DYNLT2: variants seen among roughly 807,000 people sequenced by gnomAD.
The protein encoded by DYNLT2 is dynein light chain Tctex-type protein 2.
Under a neutral mutation model 24.3 loss-of-function variants are expected in DYNLT2, and 24 were observed. That is an observed-to-expected ratio of 0.99 (90% CI 0.71 to 1.39). DYNLT2 has a LOEUF of 1.39. Among genes scored for constraint, DYNLT2 ranks in the 40% most tolerant of loss-of-function variants. DYNLT2 has a pLI of 0.00. For synonymous variants in DYNLT2, 85 were observed against 85.4 expected (o/e 1.00, Z 0.03); for missense variants, 246 against 234.5 (o/e 1.05, Z -0.32).
chr6:169,749,726 A>G (rs1789903738), intron 1 of DYNLT2: 1 of 152,198 alleles, frequency 6.6e-6, no homozygotes. Context: ...GTAGCTGACA[A>G]TCTCACCAAA....
At chr6:169,725,620 G>GTAGAGTT in the DYNLT2 span, 15 of 292,618 alleles carry the variant, frequency 5.1e-5, no homozygotes, top group Non-Finnish European at 7.4e-5. Flanking sequence ...ACTGATCAGG[G>GTAGAGTT]TAGAGTTTAG....
the DYNLT2 span, among the ~76,000 whole-genome samples, chr6:169,726,876 A>G: frequency 6.6e-6 from 1 of 152,218 alleles, no homozygotes; most frequent in Admixed American, 6.5e-5. Flanking sequence ...AAATACTGAT[A>G]AGGGGGAAAA....
intron 1 of DYNLT2, 139 bp downstream of exon 1, chr6:169,751,199 TG>T: frequency 7.5e-7 from 1 of 1,339,810 alleles, no homozygotes; most frequent in Non-Finnish European, 1.0e-6. Flanking sequence ...ATTTCGCATC[TG>T]GGGAAAAAAG....
the DYNLT2 span, among the ~76,000 whole-genome samples, chr6:169,733,929 T>G: frequency 6.6e-6 from 1 of 152,218 alleles, no homozygotes; most frequent in Non-Finnish European, 1.5e-5. Flanking sequence ...GATGGAATGT[T>G]TTCCCCTTTG....
chr6:169,742,718 C>A (rs1309142397), intron 3 of DYNLT2, among the ~76,000 whole-genome samples: 14 of 152,070 alleles, frequency 9.2e-5, no homozygotes, highest in Non-Finnish European at 1.5e-5. Flanking sequence ...CCTGCCTTAG[C>A]CTCCCGAGTA....
chr6:169,729,270 T>C, the DYNLT2 span, among the ~76,000 whole-genome samples: 2 of 152,218 alleles, frequency 1.3e-5, no homozygotes, highest in African/African-American at 4.8e-5. Flanking sequence ...TACTGAACTT[T>C]TTCTCTATGG....
At chr6:169,743,889 A>G (rs79398132) in intron 2 of DYNLT2, among the ~76,000 whole-genome samples, 179 bp downstream of exon 2, 8,364 of 152,298 alleles carry the variant, frequency 0.055, 335 homozygotes, top group East Asian at 0.12. Context: ...CACCTAGCAG[A>G]CAGACTACAC....
chr6:169,738,535 G>A (rs546808947), downstream of DYNLT2, among the ~76,000 whole-genome samples: 8 of 152,106 alleles, frequency 5.3e-5, no homozygotes, highest in South Asian at 6.2e-4. Flanking sequence ...GGGGAAGGGG[G>A]TTCCCCTTCC....
chr6:169,728,592 G>A, the DYNLT2 span, among the ~76,000 whole-genome samples: 2 of 152,142 alleles, frequency 1.3e-5, no homozygotes, highest in South Asian at 2.1e-4. Context: ...AAATTGTTCT[G>A]TGACACTTAA....
At chr6:169,735,225 C>T (rs1039665381), downstream of DYNLT2, among the ~76,000 whole-genome samples, 2 of 151,448 alleles carry the variant, frequency 1.3e-5, no homozygotes, top group East Asian at 3.9e-4. Flanking sequence ...AATTTTTTTT[C>T]AAAAAACCAG....
chr6:169,739,150 A>C (rs1346732923), downstream of DYNLT2, among the ~76,000 whole-genome samples: 1 of 151,404 alleles, frequency 6.6e-6, no homozygotes, highest in Non-Finnish European at 1.5e-5. Flanking sequence ...CCACAAGTGC[A>C]CACCCTGCCT....
At chr6:169,746,118 C>T (rs1220868728) in intron 1 of DYNLT2, among the ~76,000 whole-genome samples, 1 of 152,120 alleles carries the variant, frequency 6.6e-6, no homozygotes, top group Non-Finnish European at 1.5e-5. Context: ...TAGCAATATC[C>T]TGACTTGCAT....
Position 169,743,974 on chromosome 6 carries a change from C to T in DYNLT2, c.327+94G>A, listed in dbSNP as rs1789735484. The stretch of plus-strand genomic sequence containing the variant: ...CTGGTTCTAGTGACAATTGTATGAG[C>T]CAATTCCTGGAATAAATTTCTTCGT... On this transcript the variant is annotated intron_variant, in intron 2 of 3. Transcript: ENST00000366774. 10 of 1,227,646 alleles carry T rather than the reference C, an allele frequency of 8.1e-6. No individual in the cohort carries two copies. In the Admixed American group the frequency reaches 2.1e-4, roughly 26 times the overall value. 76.0% of individuals were successfully genotyped at this position (1,227,646 alleles called of 1,614,324 possible). A position where few individuals can be genotyped will look rare whatever the true frequency, so the allele number is the denominator to read the frequency against.
At chr6:169,748,208 C>T (rs962384265) in intron 1 of DYNLT2, among the ~76,000 whole-genome samples, 1 of 152,134 alleles carries the variant, frequency 6.6e-6, no homozygotes, top group African/African-American at 2.4e-5. Flanking sequence ...TTCTGGGAAA[C>T]CCTCTGTAGG....
intron 3 of DYNLT2, 61 bp downstream of exon 3, chr6:169,743,019 C>A: frequency 7.7e-7 from 1 of 1,306,986 alleles, no homozygotes; most frequent in Non-Finnish European, 1.0e-6. Context: ...AAAATCAAAT[C>A]ACTAGGGAGG....
Position 169,743,075 on chromosome 6 carries a change from CT to C in DYNLT2, c.486+4del. 6.5e-7 allele frequency: 1 copy of C among 1,537,690 alleles called. No individual in the cohort carries two copies. The stretch of plus-strand genomic sequence containing the variant: ...TGCTAGATCCTGTATCAATGGGGTA[CT>C]TACATTTATTGCTTGGCCAGTCTTT... On this transcript the variant is annotated splice_donor_region_variant and intron_variant, in intron 3 of 3. Coordinates refer to ENST00000366774, the MANE Select transcript of DYNLT2 (RefSeq NM_174910.3).
chr6:169,730,049 C>T, the DYNLT2 span, among the ~76,000 whole-genome samples: 1 of 152,238 alleles, frequency 6.6e-6, no homozygotes, highest in South Asian at 2.1e-4. Flanking sequence ...CAATTCCTCA[C>T]ATAAAGTTAA....
chr6:169,725,121 G>A, the DYNLT2 span: 3 of 398,692 alleles, frequency 7.5e-6, no homozygotes, highest in Non-Finnish European at 1.3e-5. Flanking sequence ...CTGATCTCGG[G>A]CTGCACCAGG....
In DYNLT2 at chr6:169,751,366, CCTTT is replaced by C. The variant is rs770037004; in HGVS notation, c.89_92del (p.Glu30GlyfsTer15). On this transcript the variant is annotated frameshift_variant, in exon 1 of 4. Transcript: ENST00000366774. LOFTEE classifies it high-confidence loss of function. The stretch of plus-strand genomic sequence containing the variant: ...CCTCCTTCTCGAACATGCTAGGCCT[CCTTT>C]CTTTCCTAGGCGTCACCGGAGCCTG... 8 of 1,614,022 alleles carry C rather than the reference CCTTT, an allele frequency of 5.0e-6. No homozygotes were observed. Among genetic ancestry groups the C allele is most frequent in the Admixed American group, 1.7e-5 (1 of 59,998 alleles).
Sources: gnomAD v4.1 joint callset for allele counts (sites outside exome capture counted in the v4.1 genomes callset) on GRCh38, gnomAD v4.1.1 for gene constraint, MANE v1.5 for transcripts, NCBI Gene and HGNC (gene_info 2026-07-23, HGNC 2026-07-21) for gene names.